SPATA6: variants seen among roughly 807,000 people sequenced by gnomAD.
The protein encoded by SPATA6 is spermatogenesis associated 6.
A neutral mutation model predicts 65.3 loss-of-function variants in SPATA6; 56 were observed. The ratio of observed to expected loss-of-function variants is 0.86; its 90% CI spans 0.69 to 1.07. SPATA6 has a LOEUF of 1.07. Ranked by LOEUF, SPATA6 falls within the 50% of genes least tolerant of loss-of-function variation. The pLI is 0.00. For synonymous variants in SPATA6, 199 were observed against 213.2 expected, an observed-to-expected ratio of 0.93 and a Z score of 0.58; for missense variants, 590 against 594.8, an observed-to-expected ratio of 0.99 and a Z score of 0.08.
chr1:48,264,766 G>A, the SPATA6 span, among the ~76,000 whole-genome samples: 7 of 152,234 alleles, frequency 4.6e-5, no homozygotes, highest in South Asian at 4.1e-4. Context: ...CCAGTCTATC[G>A]TTGATGGGCA....
rs550109662 is a variant in SPATA6 at position 48,416,210 on chromosome 1, T to A, written c.239-3059A>T. On this transcript the variant is annotated intron_variant, in intron 3 of 12. Transcript: ENST00000371847. ...CAGCGAGACTCTCTCAAAACAAAGT[T>A]TGAAAAGAAATGAAAAATCCTGAAA... Among the ~76,000 whole-genome samples, 255 of 151,674 alleles carry A rather than the reference T, an allele frequency of 1.7e-3. 2 individuals are homozygous for A. Among genetic ancestry groups the A allele is most frequent in the African/African-American group, 6.0e-3 (248 of 41,324 alleles).
intron 11 of SPATA6, among the ~76,000 whole-genome samples, chr1:48,340,617 T>A (rs1037965047): frequency 6.6e-6 from 1 of 151,758 alleles, no homozygotes; most frequent in Non-Finnish European, 1.5e-5. Flanking sequence ...CAAAACTATC[T>A]TATTGTCAAA....
intron 1 of SPATA6, among the ~76,000 whole-genome samples, chr1:48,465,130 G>C (rs534523569): frequency 1.3e-5 from 2 of 151,980 alleles, no homozygotes; most frequent in Non-Finnish European, 1.5e-5. Flanking sequence ...TATTTAACAA[G>C]AAGAAGAAAA....
chr1:48,417,074 C>A (rs540222147), intron 3 of SPATA6, among the ~76,000 whole-genome samples: 3 of 152,104 alleles, frequency 2.0e-5, no homozygotes, highest in African/African-American at 4.8e-5. Flanking sequence ...TTTACTTCAA[C>A]ATTTTACTGG....
intron 3 of SPATA6, chr1:48,436,025 A>G: frequency 6.2e-7 from 1 of 1,608,666 alleles, no homozygotes; most frequent in Non-Finnish European, 8.5e-7. Context: ...CTCAGACCTG[A>G]AAAACAGTCT....
At position 48,431,639 on chromosome 1, in the gene SPATA6, C is replaced by T. The variant is rs142870150; in HGVS notation, c.239-18488G>A. On this transcript the variant is annotated intron_variant, in intron 3 of 12. Transcript: ENST00000371847. ...ACAGAAGTAAACTTGGAAAATTCAC[C>T]AATTTATGGAAATAAAACAACACAC... Among the ~76,000 whole-genome samples, 5 of 152,104 alleles carry T rather than the reference C, an allele frequency of 3.3e-5. No homozygotes were observed. The East Asian group carries it at 9.7e-4, about 29-fold the overall frequency.
chr1:48,277,023 A>G, the SPATA6 span, among the ~76,000 whole-genome samples: 1 of 150,784 alleles, frequency 6.6e-6, no homozygotes, highest in African/African-American at 2.4e-5. Context: ...TATTGGGTGC[A>G]TATATATTTA....
At chr1:48,465,311 G>A (rs568307724) in intron 1 of SPATA6, among the ~76,000 whole-genome samples, 15 of 152,242 alleles carry the variant, frequency 9.9e-5, no homozygotes, top group Middle Eastern at 3.4e-3. Flanking sequence ...GCACCGTTCT[G>A]CTGACACTTT....
intron 1 of SPATA6, among the ~76,000 whole-genome samples, chr1:48,461,234 A>G (rs922309336): frequency 1.3e-5 from 2 of 152,038 alleles, no homozygotes; most frequent in African/African-American, 4.8e-5. Context: ...GATTCTGGAT[A>G]TTAGCCCTTT....
At chr1:48,385,577 G>A (rs975552067) in intron 8 of SPATA6, among the ~76,000 whole-genome samples, 12 of 152,080 alleles carry the variant, frequency 7.9e-5, no homozygotes, top group African/African-American at 2.9e-4. Context: ...GAAAATAGCA[G>A]GAAATATCTG....
chr1:48,384,874 TAAAC>T (rs748510045), intron 9 of SPATA6, among the ~76,000 whole-genome samples: 40 of 151,274 alleles, frequency 2.6e-4, no homozygotes, highest in Middle Eastern at 3.4e-3. Flanking sequence ...TCACAGTGAG[TAAAC>T]AAACAGAAAG....
At chr1:48,317,121 GAT>G (rs1393826116) in intron 11 of SPATA6, among the ~76,000 whole-genome samples, 3 of 152,174 alleles carry the variant, frequency 2.0e-5, no homozygotes, top group Admixed American at 2.0e-4. Flanking sequence ...TCAGTGTGGT[GAT>G]TCCTCAGGGA....
At position 48,351,992 on chromosome 1, in the gene SPATA6, T is replaced by G. The variant is rs1646524404; in HGVS notation, c.1194+3678A>C. On this transcript the variant is annotated intron_variant, in intron 11 of 12. Transcript: ENST00000371847. ...TATTATTTCATCTTCAGTTAGTTATTGTATTAGTCCATTTTCATGCTGCTG... is the reference window on the plus strand; with the variant it reads ...TATTATTTCATCTTCAGTTAGTTATGGTATTAGTCCATTTTCATGCTGCTG... 2.6e-5 allele frequency among the ~76,000 whole-genome samples: 4 copies of G among 152,204 alleles called. No homozygotes were observed. In the South Asian group the frequency reaches 8.3e-4, roughly 32 times the overall value.
At chr1:48,315,355 C>T (rs1268432590) in intron 11 of SPATA6, among the ~76,000 whole-genome samples, 3 of 152,082 alleles carry the variant, frequency 2.0e-5, no homozygotes, top group Non-Finnish European at 4.4e-5. Flanking sequence ...ATCAAGTGGG[C>T]TTCATCCCTG....
At chr1:48,269,585 T>A in the SPATA6 span, among the ~76,000 whole-genome samples, 2 of 152,112 alleles carry the variant, frequency 1.3e-5, no homozygotes, top group African/African-American at 4.8e-5. Flanking sequence ...ATTTTCCCAT[T>A]TAATCATAAC....
chr1:48,339,235 T>C (rs973159486), intron 11 of SPATA6, among the ~76,000 whole-genome samples: 2 of 152,068 alleles, frequency 1.3e-5, no homozygotes, highest in Non-Finnish European at 2.9e-5. Context: ...TATCAGGACT[T>C]TGATTAAGGT....
intron 9 of SPATA6, among the ~76,000 whole-genome samples, chr1:48,369,558 G>A (rs113061835): frequency 0.015 from 2,265 of 152,282 alleles, 56 homozygotes; most frequent in African/African-American, 0.052. Context: ...GCGAGACTCC[G>A]TGGGCGTAGG....
At chr1:48,436,013 C>A (rs2148078427) in intron 3 of SPATA6, 1 of 1,608,014 alleles carries the variant, frequency 6.2e-7, no homozygotes, top group Admixed American at 1.7e-5. Context: ...CAAGATGAAT[C>A]ACTCAGACCT....
rs118097746 is a variant in SPATA6, at chr1:48,302,527, C to A, written c.1286+3260G>T. Among the ~76,000 whole-genome samples, 26 of 152,288 alleles carry A rather than the reference C, an allele frequency of 1.7e-4. No individual in the cohort carries two copies. The East Asian group carries it at 5.0e-3, about 29-fold the overall frequency. On this transcript the variant is annotated intron_variant, in intron 12 of 12. Coordinates refer to ENST00000371847, the MANE Select transcript of SPATA6 (RefSeq NM_019073.4). The stretch of plus-strand genomic sequence containing the variant: ...CCCCGGAGTTAACATAGCTTAGTGG[C>A]CAGCAAATGACTAGTCAGAGCCAGT...
Sources: allele counts gnomAD v4.1 joint callset (sites outside exome capture counted in the v4.1 genomes callset), GRCh38; gene constraint gnomAD v4.1.1; transcripts MANE v1.5; gene names NCBI Gene and HGNC (gene_info 2026-07-23, HGNC 2026-07-21).